LGI1: variants seen among roughly 807,000 people sequenced by gnomAD.
LGI1 encodes leucine-rich glioma-inactivated protein 1.
A neutral mutation model predicts 57.7 loss-of-function variants in LGI1; 11 were observed. The ratio of observed to expected loss-of-function variants is 0.19; its 90% CI spans 0.12 to 0.32. The LOEUF (loss-of-function observed/expected upper bound fraction) is 0.32. Ranked by LOEUF, LGI1 falls within the 10% of genes least tolerant of loss-of-function variation. The pLI, the probability that LGI1 is intolerant of heterozygous loss-of-function variation, is 1.00. For synonymous variants in LGI1, 222 were observed against 241.9 expected (o/e 0.92, Z 0.76); for missense variants, 422 against 661.9 (o/e 0.64, Z 3.98).
At position 93,766,512 on chromosome 10, in the gene LGI1, C is replaced by CTTTTTTTT. The variant is rs71031537; in HGVS notation, c.287+7684_287+7691dup. On this transcript the variant is annotated intron_variant, in intron 2 of 7. Coordinates refer to ENST00000371418, the MANE Select transcript of LGI1 (RefSeq NM_005097.4). Reference sequence around the variant, plus strand: ...TTGGTGCTAAGCATTTTATAGATCTCTTTTTTTTTTGAGACGGAGTCTCGC... The same window carrying CTTTTTTTT: ...TTGGTGCTAAGCATTTTATAGATCTCTTTTTTTTTTTTTTTTTTGAGACGGAGTCTCGC... Among the ~76,000 whole-genome samples, 25 of 84,588 alleles carry CTTTTTTTT rather than the reference C, an allele frequency of 3.0e-4. 1 individual carries two copies. Among genetic ancestry groups the CTTTTTTTT allele is most frequent in the Non-Finnish European group, 5.0e-4 (24 of 48,160 alleles). 55.5% of individuals were successfully genotyped at this position (84,588 alleles called of 152,430 possible).
chr10:93,766,051 A>G (rs1025875666), intron 2 of LGI1, among the ~76,000 whole-genome samples: 6 of 152,120 alleles, frequency 3.9e-5, no homozygotes, highest in African/African-American at 1.4e-4. Flanking sequence ...GTTCATTGAA[A>G]GAAACTCATA....
intron 4 of LGI1, among the ~76,000 whole-genome samples, chr10:93,783,735 T>G (rs898062072): frequency 2.0e-5 from 3 of 152,076 alleles, no homozygotes; most frequent in Admixed American, 6.5e-5. Flanking sequence ...TATTAGGCTG[T>G]GTGCGGTGGC....
chr10:93,765,493 AT>A (rs1330637346), intron 2 of LGI1: 1 of 152,144 alleles, frequency 6.6e-6, no homozygotes, highest in Non-Finnish European at 1.5e-5. Context: ...TATCTTCCTC[AT>A]TTTTAGGGGA....
At chr10:93,775,125 A>T (rs371011908) in intron 2 of LGI1, among the ~76,000 whole-genome samples, 1 of 152,194 alleles carries the variant, frequency 6.6e-6, no homozygotes, top group Admixed American at 6.5e-5. Flanking sequence ...TTATAAATGT[A>T]CATCTCAATG....
rs2059947676 is a variant in LGI1, at chr10:93,792,816, G to A, written c.577G>A (p.Ala193Thr). 6.2e-7 allele frequency: 1 copy of A among 1,614,082 alleles called. No homozygotes were observed. The highest frequency in any genetic ancestry group is 1.7e-5 in the Admixed American group (1 of 60,016). ...WLVEWLGHTNATVEDIYCEGP... is the reference protein window; with the variant it reads ...WLVEWLGHTNTTVEDIYCEGP... ...AGTGGAATGGCTTGGCCACACCAAT[G>A]CAACTGTTGAAGACATCTACTGCGA... Residue 193 changes from alanine to threonine, a missense_variant, in exon 6 of 8, where the codon GCA becomes ACA. Ala to Thr is a moderately conservative substitution (Grantham distance 58, BLOSUM62 0). Around this residue, in one of 3 missense-constraint regions of LGI1, gnomAD observed 301 missense variants for 461.7 expected, o/e 0.65. Coordinates refer to ENST00000371418, the MANE Select transcript of LGI1 (RefSeq NM_005097.4).
At position 93,769,316 on chromosome 10, in the gene LGI1, T is replaced by C. The variant is rs1303223127; in HGVS notation, c.288-8063T>C. 4 of 152,216 alleles carry C rather than the reference T, an allele frequency of 2.6e-5. No homozygotes were observed. The East Asian group carries it at 7.7e-4, about 29-fold the overall frequency. The allele number at this position is 152,216 out of a possible 1,614,324, so 9.4% of individuals were successfully genotyped here. A position where few individuals can be genotyped will look rare whatever the true frequency, so the allele number is the denominator to read the frequency against. ...TTTCATTTACATATACATATACATA[T>C]GCAAATAAACCCATGTTCACTTGGG... On this transcript the variant is annotated intron_variant, in intron 2 of 7. Transcript: ENST00000371418.
intron 4 of LGI1, among the ~76,000 whole-genome samples, chr10:93,783,371 G>A (rs111545888): frequency 0.1 from 15,255 of 152,184 alleles, 979 homozygotes; most frequent in Non-Finnish European, 0.15. Flanking sequence ...GCGAGACTCC[G>A]TCTCCAATAA....
chr10:93,783,372 T>C (rs914314990), intron 4 of LGI1, among the ~76,000 whole-genome samples: 5 of 152,114 alleles, frequency 3.3e-5, no homozygotes, highest in African/African-American at 1.2e-4. Flanking sequence ...CGAGACTCCG[T>C]CTCCAATAAA....
At chr10:93,761,541 A>G (rs756605806) in intron 2 of LGI1, among the ~76,000 whole-genome samples, 3 of 152,174 alleles carry the variant, frequency 2.0e-5, no homozygotes, top group South Asian at 2.1e-4. Context: ...TGAAAAAGCT[A>G]TGATGAGAAG....
At position 93,793,028 on chromosome 10, in the gene LGI1, T is replaced by TA. The variant is rs2059949589; in HGVS notation, c.673+123dup. ...AAAAACTAGCTGAGCAACTTAATTT[T>TA]AAAAAAATTATGAACCATTGACAAT... On this transcript the variant is annotated intron_variant, in intron 6 of 7. Transcript: ENST00000371418. 2.2e-5 allele frequency: 28 copies of TA among 1,256,334 alleles called. No individual in the cohort carries two copies. The East Asian group carries it at 5.6e-4, about 25-fold the overall frequency. The allele number at this position is 1,256,334 out of a possible 1,614,324, so 77.8% of individuals were successfully genotyped here. A position where few individuals can be genotyped will look rare whatever the true frequency, so the allele number is the denominator to read the frequency against.
intron 4 of LGI1, among the ~76,000 whole-genome samples, chr10:93,779,231 C>T (rs1444431721): frequency 2.0e-5 from 3 of 151,176 alleles, no homozygotes; most frequent in Non-Finnish European, 2.9e-5. Context: ...TCCACATGGC[C>T]TCTGTCCAGT....
At chr10:93,771,387 G>T (rs1238339026) in intron 2 of LGI1, 1 of 152,208 alleles carries the variant, frequency 6.6e-6, no homozygotes, top group Non-Finnish European at 1.5e-5. Flanking sequence ...ACATGGATGG[G>T]TTGGAGGCCA....
At chr10:93,779,087 A>G (rs2059822610) in intron 4 of LGI1, 1 of 152,172 alleles carries the variant, frequency 6.6e-6, no homozygotes, top group South Asian at 2.1e-4. Context: ...ATGCTATGCA[A>G]TTTTATCACA....
chr10:93,760,672 G>A (rs2133978227), intron 2 of LGI1, among the ~76,000 whole-genome samples: 1 of 152,346 alleles, frequency 6.6e-6, no homozygotes, highest in South Asian at 2.1e-4. Context: ...GCTGGACAAT[G>A]TTATAGAAAT....
At chr10:93,791,440 T>C (rs574457018) in intron 5 of LGI1, 1 of 152,292 alleles carries the variant, frequency 6.6e-6, no homozygotes, top group East Asian at 1.9e-4. Context: ...CAAAAAAATA[T>C]TGAAATTGGC....
intron 2 of LGI1, chr10:93,768,960 T>C (rs1382103988): frequency 1.3e-5 from 2 of 152,186 alleles, no homozygotes; most frequent in Non-Finnish European, 2.9e-5. Context: ...ATTTTCAAGG[T>C]TGAGAGTCAA....
chr10:93,793,206 C>A lies in LGI1; in HGVS notation c.694C>A (p.Leu232Met). The change falls in exon 7 of 8, where the codon CTG becomes ATG. Residue 232 changes from leucine (L) to methionine (M), a missense_variant. Around this residue, in one of 3 missense-constraint regions of LGI1, gnomAD observed 301 missense variants for 461.7 expected, o/e 0.65. Coordinates refer to ENST00000371418, the MANE Select transcript of LGI1 (RefSeq NM_005097.4). ...IITEFAKSQD[L>M]PYQSLSIDTF... ...TGCAGAATTTGCAAAGTCTCAAGACCTGCCTTATCAATCATTGTCCATAGA... is the reference window on the plus strand; with the variant it reads ...TGCAGAATTTGCAAAGTCTCAAGACATGCCTTATCAATCATTGTCCATAGA... 1 of 1,612,544 alleles carries A rather than the reference C, an allele frequency of 6.2e-7. No homozygotes were observed. The highest frequency in any genetic ancestry group is 8.5e-7 in the Non-Finnish European group (1 of 1,179,264).
chr10:93,772,365 T>C (rs2059749826), intron 2 of LGI1, among the ~76,000 whole-genome samples: 1 of 152,124 alleles, frequency 6.6e-6, no homozygotes, highest in Non-Finnish European at 1.5e-5. Flanking sequence ...CTTTTAGAAA[T>C]CTATCCTAAG....
Position 93,793,244 on chromosome 10 carries a change from T to C in LGI1, c.732T>C (p.Tyr244=). ...CATTGTCCATAGACACTTTTTCTTA[T>C]TTGAATGATGAGTATGTAGTCATCG... ...YQSLSIDTFS[Y]LNDEYVVIAQ... The change falls in exon 7 of 8, where the codon TAT becomes TAC. Residue 244 remains tyrosine, a synonymous_variant. Coordinates refer to ENST00000371418, the MANE Select transcript of LGI1 (RefSeq NM_005097.4). 9 of 1,613,404 alleles carry C rather than the reference T, an allele frequency of 5.6e-6. No homozygotes were observed. Among genetic ancestry groups the C allele is most frequent in the Non-Finnish European group, 7.6e-6 (9 of 1,179,446 alleles).
Sources: gnomAD v4.1 joint callset for allele counts (sites outside exome capture counted in the v4.1 genomes callset) on GRCh38, gnomAD v4.1.1 for gene constraint, gnomAD v4.1.1 regional missense constraint, MANE v1.5 for transcripts, NCBI Gene and HGNC (gene_info 2026-07-23, HGNC 2026-07-21) for gene names.